Variants in GLS observed in about 807,000 individuals in gnomAD.
The protein encoded by GLS is glutaminase.
GLS carries 36 observed loss-of-function variants against 86.7 expected under a neutral mutation model. The observed-to-expected ratio is 0.42, with a 90% confidence interval of 0.32 to 0.55. GLS has a LOEUF of 0.55. Ranked by LOEUF, GLS falls within the 20% of genes least tolerant of loss-of-function variation. GLS has a pLI of 0.17. For synonymous variants in GLS, 317 were observed against 305.9 expected, an observed-to-expected ratio of 1.04 and a Z score of -0.38; for missense variants, 528 against 833.4, an observed-to-expected ratio of 0.63 and a Z score of 4.51.
At chr2:190,893,900 G>A (rs1280297569) in intron 1 of GLS, among the ~76,000 whole-genome samples, 1 of 152,116 alleles carries the variant, frequency 6.6e-6, no homozygotes, top group Non-Finnish European at 1.5e-5. Flanking sequence ...TGCATTTTTA[G>A]AAGTTGTCTA....
In GLS at chr2:190,949,130, C is replaced by A. The variant is rs1004278412; in HGVS notation, c.1651-4435C>A. ...CAAGACAAAAACAAGGGCAGTAAGA[C>A]CAATTTTGCTCTATTGAGGTTGAGA... is the stretch of plus-strand genomic sequence containing the variant. On this transcript the variant is annotated intron_variant, in intron 14 of 17. Transcript: ENST00000320717. This position sits in a 1 kb window ranked among gnomAD's most constrained non-coding sequence, Gnocchi z 4.0. Among the ~76,000 whole-genome samples, 1 of 151,996 alleles carries A rather than the reference C, an allele frequency of 6.6e-6. No homozygotes were observed. Among genetic ancestry groups the A allele is most frequent in the African/African-American group, 2.4e-5 (1 of 41,366 alleles).
At position 190,963,984 on chromosome 2, in the gene GLS, T is replaced by G. The variant is rs1005624462; in HGVS notation, c.*998T>G. 9 of 152,148 alleles carry G rather than the reference T, an allele frequency of 5.9e-5. No individual in the cohort carries two copies. The highest frequency in any genetic ancestry group is 1.2e-4 in the Non-Finnish European group (8 of 68,016). The allele number at this position is 152,148 out of a possible 1,614,324, so 9.4% of individuals were successfully genotyped here. A position where few individuals can be genotyped will look rare whatever the true frequency, so the allele number is the denominator to read the frequency against. On this transcript the variant is annotated 3_prime_UTR_variant, in exon 18 of 18. Transcript: ENST00000320717. Reference sequence around the variant, plus strand: ...AAAGTTATTCTGAAAGTATGGGAACTGCTACAACTAACAAACATTTGTTTC... The same window carrying G: ...AAAGTTATTCTGAAAGTATGGGAACGGCTACAACTAACAAACATTTGTTTC...
At position 190,881,153 on chromosome 2, in the gene GLS, G is replaced by A. The variant is rs775690415; in HGVS notation, c.69G>A (p.Ala23=). The change falls in exon 1 of 18, where the codon GCG becomes GCA. Residue 23 remains alanine, a synonymous_variant. Coordinates refer to ENST00000320717, the MANE Select transcript of GLS (RefSeq NM_014905.5). ...LLLRSPAGVS[A]TLRRAQPLVT... ...TGCGGTCGCCCGCCGGCGTGAGCGC[G>A]ACTCTGCGGCGGGCACAGCCCTTGG... is the stretch of plus-strand genomic sequence containing the variant. The A allele has an allele frequency of 2.1e-5, 33 of 1,553,452 alleles. No homozygotes were observed. The highest frequency in any genetic ancestry group is 4.5e-4 in the Middle Eastern group (2 of 4,404).
Position 190,895,879 on chromosome 2 carries a change from T to A in GLS, c.605+154T>A, listed in dbSNP as rs1232194128. ...ATTTGTTTGAAGAACTTGGTACATA[T>A]TAGGTTCTATAATACACCGGGCTAA... On this transcript the variant is annotated intron_variant, in intron 3 of 17. Transcript: ENST00000320717. The surrounding 1 kb of genome is among the most constrained non-coding windows in gnomAD (Gnocchi z 4.2). 1.9e-6 allele frequency: 1 copy of A among 537,456 alleles called. No homozygotes were observed. Among genetic ancestry groups the A allele is most frequent in the Non-Finnish European group, 3.4e-6 (1 of 297,982 alleles). The allele number at this position is 537,456 out of a possible 1,614,324, so 33.3% of individuals were successfully genotyped here.
At chr2:190,945,110 G>T (rs992079850) in intron 14 of GLS, among the ~76,000 whole-genome samples, 26 of 152,088 alleles carry the variant, frequency 1.7e-4, no homozygotes, top group African/African-American at 5.8e-4. Context: ...TTCCAGACTG[G>T]GTTTGAGCCC....
chr2:190,925,270 C>T (rs1689862757), intron 11 of GLS, among the ~76,000 whole-genome samples: 1 of 152,072 alleles, frequency 6.6e-6, no homozygotes, highest in South Asian at 2.1e-4. Context: ...TTAAAAGTGT[C>T]AGTGTCTCAG....
At chr2:190,904,275 C>T (rs1236291248) in intron 5 of GLS, among the ~76,000 whole-genome samples, 1 of 151,920 alleles carries the variant, frequency 6.6e-6, no homozygotes, top group Non-Finnish European at 1.5e-5. Flanking sequence ...ATGGTTTAGT[C>T]ACAGCTTACA....
Position 190,881,206 on chromosome 2 carries a change from G to A in GLS, c.122G>A (p.Gly41Glu). The part of the protein sequence containing the change: ...LVTLCRRPRG[G>E]GRPAAGPAAA... The stretch of plus-strand genomic sequence containing the variant: ...ACCCTGTGCCGGCGTCCCCGAGGCG[G>A]GGGACGGCCGGCCGCGGGCCCGGCT... The change falls in exon 1 of 18, where the codon GGG (glycine) becomes GAG (glutamate). Residue 41 changes from glycine (G) to glutamate (E), a missense_variant. By Grantham distance (98) the Gly-to-Glu change is moderately conservative. Transcript: ENST00000320717. The A allele has an allele frequency of 8.0e-7, 1 of 1,256,418 alleles. No homozygotes were observed. The highest frequency in any genetic ancestry group is 3.2e-5 in the South Asian group (1 of 31,724). The allele number at this position is 1,256,418 out of a possible 1,614,324, so 77.8% of individuals were successfully genotyped here.
In GLS at chr2:190,940,012, G is replaced by A. The variant is rs199649591; in HGVS notation, c.1650+8375G>A. ...ACTCAGGAAATGGGTTTTCAGTTCC[G>A]TATCTTTATATATGTTCACTTCCAA... is the stretch of plus-strand genomic sequence containing the variant. On this transcript the variant is annotated intron_variant, in intron 14 of 17. Coordinates refer to ENST00000320717, the MANE Select transcript of GLS (RefSeq NM_014905.5). 2.0e-3 allele frequency among the ~76,000 whole-genome samples: 300 copies of A among 151,770 alleles called. 1 individual carries two copies. The highest frequency in any genetic ancestry group is 6.0e-3 in the African/African-American group (250 of 41,500).
At chr2:190,892,737 A>C (rs1455335389) in intron 1 of GLS, among the ~76,000 whole-genome samples, 1 of 152,158 alleles carries the variant, frequency 6.6e-6, no homozygotes, top group Non-Finnish European at 1.5e-5. Flanking sequence ...TCAAAATCTG[A>C]GGTTTCAAAT....
In GLS at chr2:190,930,411, A is replaced by G. The variant is rs745589873; in HGVS notation, c.1426-26A>G. On this transcript the variant is annotated intron_variant, in intron 12 of 17. Transcript: ENST00000320717. This position sits in a 1 kb window ranked among gnomAD's most constrained non-coding sequence, Gnocchi z 5.0. ...TTCTTATTTTAAAATGTTTACCTGA[A>G]TACTCTTTTACTGAATTATTTTTAG... 1 of 1,554,946 alleles carries G rather than the reference A, an allele frequency of 6.4e-7. No homozygotes were observed. The highest frequency in any genetic ancestry group is 8.9e-7 in the Non-Finnish European group (1 of 1,126,730).
chr2:190,898,096 G>T (rs1688807871), intron 3 of GLS, among the ~76,000 whole-genome samples: 1 of 151,946 alleles, frequency 6.6e-6, no homozygotes, highest in African/African-American at 2.4e-5. Flanking sequence ...AACTTTATAG[G>T]TATTAAAACT....
chr2:190,882,649 A>G (rs1354954762), intron 1 of GLS, among the ~76,000 whole-genome samples: 1 of 152,220 alleles, frequency 6.6e-6, no homozygotes. Context: ...GGGACCTTCC[A>G]GAAACTTTTC....
chr2:190,920,939 G>A lies in GLS; in HGVS notation c.1039-85G>A. 1 of 714,216 alleles carries A rather than the reference G, an allele frequency of 1.4e-6. No individual in the cohort carries two copies. The highest frequency in any genetic ancestry group is 1.6e-5 in the South Asian group (1 of 63,004). 44.2% of individuals were successfully genotyped at this position (714,216 alleles called of 1,614,324 possible). On this transcript the variant is annotated intron_variant, in intron 7 of 17. Transcript: ENST00000320717. This position sits in a 1 kb window ranked among gnomAD's most constrained non-coding sequence, Gnocchi z 4.2. ...AATACTAATGCAGTATATTATAATA[G>A]TAGCTTTGAAATTTTGATATTGGCT...
chr2:190,904,640 C>T (rs929652938), intron 5 of GLS, among the ~76,000 whole-genome samples: 1 of 152,016 alleles, frequency 6.6e-6, no homozygotes, highest in Non-Finnish European at 1.5e-5. Context: ...TCATTATTCC[C>T]TAAATAATAC....
intron 3 of GLS, among the ~76,000 whole-genome samples, chr2:190,898,177 T>C (rs1255240358): frequency 6.6e-6 from 1 of 152,234 alleles, no homozygotes; most frequent in Non-Finnish European, 1.5e-5. Context: ...TTCATTTGTA[T>C]GTTTGATTTT....
At chr2:190,933,610 ATAATG>A in intron 14 of GLS, 1 of 949,540 alleles carries the variant, frequency 1.1e-6, no homozygotes, top group South Asian at 4.9e-5. Context: ...ATAAAAAGCT[ATAATG>A]GTTAGTTACT....
rs1305479821 is a variant in GLS at position 190,956,423 on chromosome 2, G to C, written c.1853+1605G>C. On this transcript the variant is annotated intron_variant, in intron 17 of 17. Transcript: ENST00000320717. This position sits in a 1 kb window ranked among gnomAD's most constrained non-coding sequence, Gnocchi z 4.2. ...GATCAGATGGTTGTAGATGTGTGCT[G>C]TTATTTCTGAGGCCTCAGTTCTTTT... Among the ~76,000 whole-genome samples, 1 of 152,108 alleles carries C rather than the reference G, an allele frequency of 6.6e-6. No individual in the cohort carries two copies. Among genetic ancestry groups the C allele is most frequent in the Non-Finnish European group, 1.5e-5 (1 of 68,006 alleles).
rs1290074151 is a variant in GLS, at chr2:190,953,949, T to G, written c.1712+323T>G. Among the ~76,000 whole-genome samples the G allele has an allele frequency of 5.8e-5, 7 of 121,498 alleles. No individual in the cohort carries two copies. The highest frequency in any genetic ancestry group is 1.8e-4 in the African/African-American group (6 of 32,590). The allele number at this position is 121,498 out of a possible 152,430, so 79.7% of individuals were successfully genotyped here. A position where few individuals can be genotyped will look rare whatever the true frequency, so the allele number is the denominator to read the frequency against. On this transcript the variant is annotated intron_variant, in intron 15 of 17. Coordinates refer to ENST00000320717, the MANE Select transcript of GLS (RefSeq NM_014905.5). The surrounding 1 kb of genome is among the most constrained non-coding windows in gnomAD (Gnocchi z 4.0). ...TCTACCCTCCATTCCCAATCTTTGA[T>G]ATGTGTGTGTGTGTGTGTGTGTGTG...
Sources: gnomAD v4.1 joint callset for allele counts (sites outside exome capture counted in the v4.1 genomes callset) on GRCh38, gnomAD v4.1.1 for gene constraint, Gnocchi (gnomAD v3.1) non-coding constraint, MANE v1.5 for transcripts, NCBI Gene and HGNC (gene_info 2026-07-23, HGNC 2026-07-21) for gene names.